Variants in THRB observed in about 807,000 individuals in gnomAD.
THRB encodes the protein nuclear receptor subfamily 1 group A member 2.
In THRB, 12 loss-of-function variants were observed where a neutral mutation model predicts 47.8. The observed-to-expected ratio is 0.25, with a 90% CI of 0.16 to 0.41. The LOEUF is 0.41. THRB is among the 10% of genes least tolerant of loss of function. The pLI is 1.00. For missense variants in THRB, 348 were observed against 589.2 expected, an observed-to-expected ratio of 0.59 and a Z score of 4.24; for synonymous variants, 218 against 212.2, an observed-to-expected ratio of 1.03 and a Z score of -0.24.
chr3:24,280,279 C>A (rs2054417751), intron 3 of THRB, among the ~76,000 whole-genome samples: 2 of 152,252 alleles, frequency 1.3e-5, no homozygotes, highest in South Asian at 4.1e-4. Flanking sequence ...GTCCCTGACT[C>A]CTGACCCCCG....
intron 1 of THRB, among the ~76,000 whole-genome samples, chr3:24,460,551 A>G (rs545161376): frequency 2.0e-5 from 3 of 152,290 alleles, no homozygotes; most frequent in East Asian, 3.9e-4. Context: ...ATCTACTGTA[A>G]TTAAAGGGAA....
chr3:24,476,232 A>G (rs1168379150), intron 1 of THRB, among the ~76,000 whole-genome samples: 1 of 152,188 alleles, frequency 6.6e-6, no homozygotes, highest in Non-Finnish European at 1.5e-5. Context: ...TGACTCTCCA[A>G]GGGTTCTCTG....
At chr3:24,264,662 T>A (rs2052453198) in intron 3 of THRB, among the ~76,000 whole-genome samples, 1 of 152,134 alleles carries the variant, frequency 6.6e-6, no homozygotes, top group South Asian at 2.1e-4. Flanking sequence ...ATTACCAAGG[T>A]CATTTCACAT....
intron 1 of THRB, among the ~76,000 whole-genome samples, chr3:24,390,797 A>AAAAAATATATATAT (rs5847290): frequency 1.2e-4 from 17 of 137,850 alleles, no homozygotes; most frequent in African/African-American, 4.3e-4. Context: ...AAAAAAAAAA[A>AAAAAATATATATAT]ATATATATAT....
chr3:24,342,643 G>A (rs2062747619), intron 1 of THRB, among the ~76,000 whole-genome samples: 1 of 152,190 alleles, frequency 6.6e-6, no homozygotes, highest in Non-Finnish European at 1.5e-5. Flanking sequence ...CAGCCCCTCA[G>A]TAATACAGAG....
rs572762232 is a variant in THRB, at chr3:24,401,751, G to A, written c.-260-64380C>T. On this transcript the variant is annotated intron_variant, in intron 1 of 10. Coordinates refer to ENST00000646209, the MANE Select transcript of THRB (RefSeq NM_001354712.2). Reference sequence around the variant, plus strand: ...CTTCAGTGTGGTCCCTGGACCAGCAGTTTCCCTAACACTTGGGAGTTTATT... The same window carrying A: ...CTTCAGTGTGGTCCCTGGACCAGCAATTTCCCTAACACTTGGGAGTTTATT... Among the ~76,000 whole-genome samples the A allele has an allele frequency of 2.6e-5, 4 of 152,138 alleles. No individual in the cohort carries two copies. In the South Asian group the frequency reaches 8.3e-4, roughly 32 times the overall value.
chr3:24,413,378 A>G (rs967372897), intron 1 of THRB, among the ~76,000 whole-genome samples: 2 of 151,814 alleles, frequency 1.3e-5, no homozygotes, highest in African/African-American at 4.8e-5. Context: ...TCCTCTTCAA[A>G]GAATTCTATA....
At chr3:24,418,872 C>A (rs576478888) in intron 1 of THRB, among the ~76,000 whole-genome samples, 1 of 151,950 alleles carries the variant, frequency 6.6e-6, no homozygotes, top group Non-Finnish European at 1.5e-5. Flanking sequence ...ACAAATTTAA[C>A]ACTTACAGTA....
intron 8 of THRB, 64 bp downstream of exon 8, chr3:24,143,437 T>C: frequency 8.0e-6 from 12 of 1,493,682 alleles, no homozygotes; most frequent in Non-Finnish European, 1.0e-5. Context: ...TGATGAGGAC[T>C]GAATAAATTG....
At chr3:24,462,762 T>C (rs2073812527) in intron 1 of THRB, among the ~76,000 whole-genome samples, 2 of 152,220 alleles carry the variant, frequency 1.3e-5, no homozygotes, top group African/African-American at 4.8e-5. Context: ...CAGATGCCAC[T>C]GAGGAGTTTC....
At chr3:24,440,452 G>T (rs1189380350) in intron 1 of THRB, among the ~76,000 whole-genome samples, 3 of 152,034 alleles carry the variant, frequency 2.0e-5, no homozygotes, top group South Asian at 2.1e-4. Context: ...TTTTCAAGAC[G>T]CAGCCTCAAT....
chr3:24,317,961 G>A (rs777770262), intron 2 of THRB, among the ~76,000 whole-genome samples: 3 of 152,102 alleles, frequency 2.0e-5, no homozygotes, highest in Non-Finnish European at 4.4e-5. Flanking sequence ...GGGAGACTGA[G>A]TCGGGAGGAT....
chr3:24,297,619 G>A (rs762331601), intron 2 of THRB, among the ~76,000 whole-genome samples: 11 of 152,326 alleles, frequency 7.2e-5, no homozygotes, highest in Admixed American at 3.3e-4. Context: ...TGGCGGCTTC[G>A]TCTTGAGGCA....
At chr3:24,218,334 CTCTCTCTCT>C (rs2046807875) in intron 4 of THRB, among the ~76,000 whole-genome samples, 3 of 117,216 alleles carry the variant, frequency 2.6e-5, no homozygotes, top group Admixed American at 8.2e-5. Flanking sequence ...GTCTCTCTCT[CTCTCTCTCT>C]TTTTTTTTTT....
intron 1 of THRB, among the ~76,000 whole-genome samples, chr3:24,451,721 G>A (rs1409611575): frequency 1.3e-5 from 2 of 152,178 alleles, no homozygotes; most frequent in African/African-American, 2.4e-5. Flanking sequence ...CATGTTGCAA[G>A]CACAAATCTC....
chr3:24,227,376 G>A (rs1161732084), intron 4 of THRB, among the ~76,000 whole-genome samples: 1 of 152,212 alleles, frequency 6.6e-6, no homozygotes, highest in Admixed American at 6.5e-5. Flanking sequence ...GGTTGAATGT[G>A]TTGGTTTATG....
intron 3 of THRB, among the ~76,000 whole-genome samples, chr3:24,262,810 C>T (rs1016992737): frequency 6.6e-6 from 1 of 152,188 alleles, no homozygotes; most frequent in African/African-American, 2.4e-5. Context: ...TCCCCTACCC[C>T]CTACTAGACG....
At chr3:24,490,876 C>T (rs1009219853) in intron 1 of THRB, among the ~76,000 whole-genome samples, 1 of 152,164 alleles carries the variant, frequency 6.6e-6, no homozygotes, top group Non-Finnish European at 1.5e-5. Flanking sequence ...CAACAATAAA[C>T]ATACTGGGTT....
intron 5 of THRB, among the ~76,000 whole-genome samples, chr3:24,152,867 C>T (rs1559465474): frequency 6.6e-6 from 1 of 150,746 alleles, no homozygotes. Context: ...GAGGCTGAGG[C>T]AAGATAATCA....
Sources: allele counts gnomAD v4.1 joint callset (sites outside exome capture counted in the v4.1 genomes callset), GRCh38; gene constraint gnomAD v4.1.1; transcripts MANE v1.5; gene names NCBI Gene and HGNC (gene_info 2026-07-23, HGNC 2026-07-21).